Variants in ABCA5 observed in about 807,000 individuals in gnomAD.
The protein encoded by ABCA5 is ATP binding cassette subfamily A member 5, also known as cholesterol transporter ABCA5.
A neutral mutation model predicts 206.0 loss-of-function variants in ABCA5; 163 were observed. The ratio of observed to expected loss-of-function variants is 0.79; its 90% CI spans 0.70 to 0.90. The LOEUF (loss-of-function observed/expected upper bound fraction) is 0.90, where lower values mean the gene tolerates loss of function less well. Ranked by LOEUF, ABCA5 falls within the 40% of genes least tolerant of loss-of-function variation. The pLI is 0.00. For synonymous variants in ABCA5, 609 were observed against 613.8 expected, an observed-to-expected ratio of 0.99 and a Z score of 0.11; for missense variants, 1,859 against 1,912.9, an observed-to-expected ratio of 0.97 and a Z score of 0.53.
intron 35 of ABCA5, chr17:69,251,122 A>T (rs1313844580): frequency 6.5e-6 from 1 of 153,042 alleles, no homozygotes; most frequent in East Asian, 1.9e-4. Flanking sequence ...TGGGTTTTGG[A>T]GAGAATATTA....
At chr17:69,320,694 G>A (rs1366668787) in intron 1 of ABCA5, among the ~76,000 whole-genome samples, 1 of 152,126 alleles carries the variant, frequency 6.6e-6, no homozygotes, top group African/African-American at 2.4e-5. Context: ...CAAAGCTATA[G>A]TCAGGTCTTT....
intron 29 of ABCA5, 151 bp from the exon 30 acceptor site, chr17:69,256,001 C>G: frequency 4.2e-6 from 5 of 1,178,962 alleles, no homozygotes; most frequent in Non-Finnish European, 5.8e-6. Flanking sequence ...GAAATTCTGG[C>G]TTATTCAAAA....
chr17:69,260,082 T>G (rs2075130095), intron 27 of ABCA5, among the ~76,000 whole-genome samples: 1 of 151,912 alleles, frequency 6.6e-6, no homozygotes, highest in Admixed American at 6.6e-5. Context: ...AAAACTTTGT[T>G]TTTGCTTCTA....
At chr17:69,289,062 T>C in intron 14 of ABCA5, 115 bp downstream of exon 14, 1 of 998,112 alleles carries the variant, frequency 1.0e-6, no homozygotes. Flanking sequence ...CATAATAACA[T>C]ACAGCATTTT....
At chr17:69,306,321 T>A (rs917399505) in intron 6 of ABCA5, among the ~76,000 whole-genome samples, 2 of 152,120 alleles carry the variant, frequency 1.3e-5, no homozygotes, top group African/African-American at 4.8e-5. Context: ...TTTAATATTA[T>A]ATATATGCTA....
intron 22 of ABCA5, 99 bp downstream of exon 22, chr17:69,270,514 G>C: frequency 8.7e-7 from 1 of 1,151,208 alleles, no homozygotes; most frequent in South Asian, 1.6e-5. Context: ...GATCTCACAA[G>C]ATAAATTTCT....
At chr17:69,298,049 G>C (rs150634221) in intron 9 of ABCA5, among the ~76,000 whole-genome samples, 1 of 152,000 alleles carries the variant, frequency 6.6e-6, no homozygotes, top group Admixed American at 6.6e-5. Flanking sequence ...AGTCAGATGC[G>C]GTGGTGCATG....
At chr17:69,286,150 G>T in intron 16 of ABCA5, 71 bp downstream of exon 16, 2 of 1,544,214 alleles carry the variant, frequency 1.3e-6, no homozygotes, top group Non-Finnish European at 1.8e-6. Context: ...GCATATAACA[G>T]CAAGCCTCCA....
intron 1 of ABCA5, among the ~76,000 whole-genome samples, chr17:69,319,164 AG>A (rs2075843072): frequency 6.6e-6 from 1 of 152,352 alleles, no homozygotes; most frequent in African/African-American, 2.4e-5. Context: ...GAGGGAAGGA[AG>A]GAAGAAAGCT....
intron 11 of ABCA5, among the ~76,000 whole-genome samples, chr17:69,293,871 T>TGTGTGTGC (rs1555581962): frequency 5.2e-5 from 6 of 115,370 alleles, no homozygotes; most frequent in South Asian, 2.9e-4. Flanking sequence ...TGTGTGTGTG[T>TGTGTGTGC]GCGTGTGTGT....
At position 69,309,349 on chromosome 17, in the gene ABCA5, C is replaced by T. The variant is rs1171199739; in HGVS notation, c.382G>A (p.Gly128Ser). The T allele has an allele frequency of 1.2e-6, 2 of 1,606,538 alleles. No individual in the cohort carries two copies. The highest frequency in any genetic ancestry group is 1.7e-6 in the Non-Finnish European group (2 of 1,177,710). The change falls in exon 4 of 39, where the codon GGT (glycine) becomes AGT (serine). Residue 128 changes from glycine (G) to serine (S), a missense_variant. Gly to Ser is a moderately conservative substitution (Grantham distance 56, BLOSUM62 0). Transcript: ENST00000392676. ...SSLSKPSNFV[G>S]VVFKDSMSYE... ...GACATGGAGTCTTTGAAAACCACAC[C>T]TACAAAGTTGCTCGGCTTAGAGAGA...
chr17:69,291,234 G>C lies in ABCA5; in HGVS notation c.1588C>G (p.Leu530Val), dbSNP rs781223954. The change falls in exon 12 of 39, where the codon CTC (leucine) becomes GTC (valine). Residue 530 changes from leucine (L) to valine (V), a missense_variant. Coordinates refer to ENST00000392676, the MANE Select transcript of ABCA5 (RefSeq NM_172232.4). ...KSTLMNILCG[L>V]CPPSDGFASI... ...AACTCACCATCAGAAGGTGGGCAGA[G>C]TCCACAAAGAATATTCATCAATGTA... The C allele has an allele frequency of 6.2e-7, 1 of 1,601,130 alleles. No homozygotes were observed. The highest frequency in any genetic ancestry group is 8.5e-7 in the Non-Finnish European group (1 of 1,172,646).
At chr17:69,276,414 T>C (rs575377862) in intron 19 of ABCA5, among the ~76,000 whole-genome samples, 1 of 152,242 alleles carries the variant, frequency 6.6e-6, no homozygotes, top group Admixed American at 6.5e-5. Context: ...TCTGAGTGTA[T>C]TTTATGAGAG....
Position 69,285,984 on chromosome 17 carries a change from T to C in ABCA5, c.2186A>G (p.Gln729Arg), listed in dbSNP as rs1190762928. ...ATESLSSLVKQHIPGATLLQQ... is the reference protein window; with the variant it reads ...ATESLSSLVKRHIPGATLLQQ... Reference sequence around the variant, plus strand: ...TAATAAAGTAGCTCCAGGTATATGTTGTTTAACCAGTGAAGAAAGAGATTC... The same window carrying C: ...TAATAAAGTAGCTCCAGGTATATGTCGTTTAACCAGTGAAGAAAGAGATTC... Residue 729 changes from glutamine (Q) to arginine (R), a missense_variant, in exon 17 of 39, where the codon CAA becomes CGA. Transcript: ENST00000392676. 9.9e-6 allele frequency: 16 copies of C among 1,613,108 alleles called. No individual in the cohort carries two copies. The East Asian group carries it at 3.3e-4, about 34-fold the overall frequency.
chr17:69,312,259 T>C (rs371762219), intron 3 of ABCA5, among the ~76,000 whole-genome samples: 1 of 152,300 alleles, frequency 6.6e-6, no homozygotes, highest in East Asian at 1.9e-4. Context: ...CTTACACTGT[T>C]TTCTAGTTCA....
At chr17:69,293,207 T>C (rs1278851713) in intron 11 of ABCA5, among the ~76,000 whole-genome samples, 1 of 150,620 alleles carries the variant, frequency 6.6e-6, no homozygotes, top group Non-Finnish European at 1.5e-5. Flanking sequence ...GAGTGTGGGG[T>C]TGGGGGATTA....
intron 6 of ABCA5, 29 bp downstream of exon 6, chr17:69,306,696 T>C (rs1394908091): frequency 8.1e-6 from 9 of 1,106,322 alleles, no homozygotes; most frequent in Non-Finnish European, 3.6e-6. Flanking sequence ...TTTTTAATTA[T>C]ATTAAGTAAT....
At chr17:69,314,701 C>G (rs1018959902) in intron 1 of ABCA5, 4 of 272,722 alleles carry the variant, frequency 1.5e-5, no homozygotes, top group African/African-American at 8.7e-5. Context: ...TCTCCCGAAC[C>G]GCCCACAGAG....
At chr17:69,267,848 A>G in intron 23 of ABCA5, 95 bp downstream of exon 23, 1 of 535,920 alleles carries the variant, frequency 1.9e-6, no homozygotes, top group Admixed American at 3.6e-5. Flanking sequence ...TATTTCTGAA[A>G]TAACAATTAT....
Sources: gnomAD v4.1 joint callset for allele counts (sites outside exome capture counted in the v4.1 genomes callset) on GRCh38, gnomAD v4.1.1 for gene constraint, MANE v1.5 for transcripts, NCBI Gene and HGNC (gene_info 2026-07-23, HGNC 2026-07-21) for gene names.